Variants in SATL1 observed in about 807,000 individuals in gnomAD.
SATL1 encodes spermidine/spermine N1-acetyl transferase like 1, also known as spermidine/spermine N(1)-acetyltransferase-like protein 1.
A neutral mutation model predicts 51.8 loss-of-function variants in SATL1; 47 were observed. That is an observed-to-expected ratio of 0.91 (90% CI 0.72 to 1.16). SATL1 has a LOEUF of 1.16. Ranked by LOEUF, SATL1 falls within the 50% of genes most tolerant of loss-of-function variation. SATL1 has a pLI of 0.00. For synonymous variants in SATL1, 176 were observed against 182.4 expected (o/e 0.97, Z 0.28); for missense variants, 520 against 526.4 (o/e 0.99, Z 0.12).
At chrX:85,197,582 G>A (rs1283238937) in intron 2 of SATL1, among the ~76,000 whole-genome samples, 1 of 108,544 alleles carries the variant, frequency 9.2e-6, no homozygotes. Context: ...GTGCCATGCT[G>A]GTGTACTGCA....
At chrX:85,217,858 A>G (rs1001352664) in intron 2 of SATL1, among the ~76,000 whole-genome samples, 1 of 111,817 alleles carries the variant, frequency 8.9e-6, no homozygotes, top group Non-Finnish European at 1.9e-5. Flanking sequence ...TCTAATCTCT[A>G]ATCAGAGGCA....
chrX:85,213,206 T>C (rs1927965113), intron 2 of SATL1, among the ~76,000 whole-genome samples: 2 of 111,572 alleles, frequency 1.8e-5, no homozygotes, highest in Non-Finnish European at 3.8e-5. Context: ...ATGAGAAAGG[T>C]CTTATGTTTT....
intron 2 of SATL1, among the ~76,000 whole-genome samples, chrX:85,152,055 G>A (rs368837736): frequency 7.7e-4 from 85 of 109,764 alleles, no homozygotes; most frequent in Admixed American, 1.5e-3. Context: ...GAAAATTTTC[G>A]CAACCTACTC....
At chrX:85,140,755 T>C (rs1340695125) in intron 2 of SATL1, among the ~76,000 whole-genome samples, 1 of 112,029 alleles carries the variant, frequency 8.9e-6, no homozygotes, top group East Asian at 2.8e-4. Flanking sequence ...TCCCAATGTG[T>C]ACAATACAGA....
chrX:85,153,207 T>C (rs1185185235), intron 2 of SATL1, among the ~76,000 whole-genome samples: 1 of 110,413 alleles, frequency 9.1e-6, no homozygotes, highest in Non-Finnish European at 1.9e-5. Flanking sequence ...TTGCTGGCAG[T>C]CTTTTCTCAT....
At chrX:85,122,354 T>A (rs1434055367) in intron 2 of SATL1, among the ~76,000 whole-genome samples, 1 of 111,825 alleles carries the variant, frequency 8.9e-6, no homozygotes, top group Non-Finnish European at 1.9e-5. Context: ...TGTAGATTCC[T>A]GGGATCCACC....
At chrX:85,159,299 C>T (rs1926661727) in intron 2 of SATL1, among the ~76,000 whole-genome samples, 1 of 111,708 alleles carries the variant, frequency 9.0e-6, no homozygotes, top group Non-Finnish European at 1.9e-5. Flanking sequence ...CAACAGGGGT[C>T]CCCACCCTCC....
chrX:85,149,344 A>G (rs1198181425), intron 2 of SATL1, among the ~76,000 whole-genome samples: 2 of 111,479 alleles, frequency 1.8e-5, no homozygotes, highest in Non-Finnish European at 3.8e-5. Context: ...AAAGAGTCTT[A>G]GACTCCCATA....
Position 85,108,372 on chromosome X carries a change from T to C in SATL1, c.597A>G (p.Gln199=), listed in dbSNP as rs141438383. 8.3e-7 allele frequency: 1 copy of C among 1,208,835 alleles called. No individual in the cohort carries two copies. The highest frequency in any genetic ancestry group is 2.2e-5 in the Admixed American group (1 of 45,945). Reference sequence around the variant, plus strand: ...GGACTTGCTGGCTGATGCCTGGTTGTTGCACGCCTGGTTGCCACATGCCTG... The same window carrying C: ...GGACTTGCTGGCTGATGCCTGGTTGCTGCACGCCTGGTTGCCACATGCCTG... The part of the protein sequence containing the change: ...SPPGMWQPGV[Q]QPGISQQVPS... The change falls in exon 3 of 8, where the codon CAA becomes CAG. Residue 199 remains glutamine (Q), a synonymous_variant. Transcript: ENST00000644105.
intron 2 of SATL1, among the ~76,000 whole-genome samples, chrX:85,115,241 G>A (rs748492307): frequency 6.2e-5 from 7 of 112,317 alleles, no homozygotes; most frequent in South Asian, 3.7e-4. Context: ...GGCAAAGGAA[G>A]GATTTCTCCT....
chrX:85,151,386 A>T (rs1292205470), intron 2 of SATL1, among the ~76,000 whole-genome samples: 2 of 111,510 alleles, frequency 1.8e-5, no homozygotes, highest in Non-Finnish European at 3.8e-5. Context: ...AAATGGCCAT[A>T]CTGCCCAAGG....
chrX:85,121,480 T>G (rs913452515), intron 2 of SATL1, among the ~76,000 whole-genome samples: 2 of 104,443 alleles, frequency 1.9e-5, no homozygotes, highest in African/African-American at 6.9e-5. Flanking sequence ...ATATAGTATA[T>G]CTATTTCTTG....
chrX:85,106,623 T>C (rs1041045114), intron 3 of SATL1, among the ~76,000 whole-genome samples: 1 of 112,022 alleles, frequency 8.9e-6, no homozygotes, highest in Non-Finnish European at 1.9e-5. Flanking sequence ...ATGAGTGCTT[T>C]CAGCACCACA....
intron 2 of SATL1, among the ~76,000 whole-genome samples, chrX:85,152,725 G>C (rs1364373853): frequency 1.8e-5 from 2 of 110,537 alleles, no homozygotes; most frequent in African/African-American, 6.6e-5. Context: ...GGACAAAAAA[G>C]CAAACACCGC....
intron 2 of SATL1, among the ~76,000 whole-genome samples, chrX:85,151,495 G>A (rs984699664): frequency 1.8e-5 from 2 of 111,328 alleles, no homozygotes; most frequent in African/African-American, 6.5e-5. Context: ...CCAAAAAGGA[G>A]CCTGCATTGC....
At chrX:85,191,465 T>C (rs1927436609) in intron 2 of SATL1, among the ~76,000 whole-genome samples, 1 of 111,114 alleles carries the variant, frequency 9.0e-6, no homozygotes, top group South Asian at 3.8e-4. Flanking sequence ...CTAGCTACAG[T>C]TGACCCTTGA....
chrX:85,103,173 G>C (rs1924941112), intron 4 of SATL1, among the ~76,000 whole-genome samples: 2 of 111,408 alleles, frequency 1.8e-5, no homozygotes, highest in Non-Finnish European at 3.8e-5. Context: ...TTCTGACCAA[G>C]GCACTAAGAC....
At chrX:85,197,219 AT>A (rs1276817400) in intron 2 of SATL1, among the ~76,000 whole-genome samples, 3 of 111,553 alleles carry the variant, frequency 2.7e-5, no homozygotes, top group African/African-American at 9.7e-5. Context: ...AATTTTTTTA[AT>A]TTTAATTTTT....
chrX:85,158,796 C>T (rs1009174625), intron 2 of SATL1, among the ~76,000 whole-genome samples: 2 of 110,918 alleles, frequency 1.8e-5, no homozygotes, highest in African/African-American at 3.3e-5. Flanking sequence ...AATAATAATC[C>T]GATTTTCTAA....
Sources: allele counts gnomAD v4.1 joint callset (sites outside exome capture counted in the v4.1 genomes callset), GRCh38; gene constraint gnomAD v4.1.1; transcripts MANE v1.5; gene names NCBI Gene and HGNC (gene_info 2026-07-23, HGNC 2026-07-21).